Variants in RIT2 observed in about 807,000 individuals in gnomAD.
The protein encoded by RIT2 is GTP-binding protein Rit2.
In RIT2, 24 loss-of-function variants were observed where a neutral mutation model predicts 23.7. The ratio of observed to expected loss-of-function variants is 1.01; its 90% CI spans 0.73 to 1.43. RIT2 has a LOEUF of 1.43. Ranked by LOEUF, RIT2 falls within the 40% of genes most tolerant of loss-of-function variation. The pLI, the probability that RIT2 is intolerant of heterozygous loss-of-function variation, is 0.00. For missense variants in RIT2, 236 were observed against 266.9 expected, an observed-to-expected ratio of 0.88 and a Z score of 0.81; for synonymous variants, 107 against 91.1, an observed-to-expected ratio of 1.17 and a Z score of -0.99.
At chr18:43,104,529 T>A (rs564515668) in intron 1 of RIT2, among the ~76,000 whole-genome samples, 1 of 152,018 alleles carries the variant, frequency 6.6e-6, no homozygotes, top group South Asian at 2.1e-4. Flanking sequence ...AAATAACACA[T>A]AAATACATAT....
At chr18:42,938,279 A>AT (rs573050876) in intron 3 of RIT2, among the ~76,000 whole-genome samples, 30 of 152,370 alleles carry the variant, frequency 2.0e-4, no homozygotes, top group South Asian at 2.1e-4. Context: ...ATGGATGCAG[A>AT]AAGCCTGGTG....
intron 4 of RIT2, among the ~76,000 whole-genome samples, chr18:42,842,689 T>C (rs1906799900): frequency 2.6e-5 from 4 of 152,038 alleles, no homozygotes; most frequent in Admixed American, 6.6e-5. Context: ...GCTCCAAAAT[T>C]TGAAACATTT....
chr18:43,019,826 T>C (rs754163949), intron 2 of RIT2, among the ~76,000 whole-genome samples: 4 of 152,056 alleles, frequency 2.6e-5, no homozygotes, highest in Non-Finnish European at 5.9e-5. Context: ...CTGATAAATG[T>C]ATTCAGTAAA....
At chr18:42,744,121 G>A (rs767657071) in intron 4 of RIT2, among the ~76,000 whole-genome samples, 13 of 151,938 alleles carry the variant, frequency 8.6e-5, no homozygotes, top group Non-Finnish European at 1.9e-4. Context: ...CTGTCTGCCA[G>A]AGAACAAACC....
At chr18:42,981,921 G>A (rs897719891) in intron 2 of RIT2, among the ~76,000 whole-genome samples, 1 of 152,022 alleles carries the variant, frequency 6.6e-6, no homozygotes, top group Non-Finnish European at 1.5e-5. Flanking sequence ...TATCACAAAG[G>A]TTGTTCATTG....
chr18:42,965,610 G>T (rs987362042), intron 3 of RIT2, among the ~76,000 whole-genome samples: 2 of 146,034 alleles, frequency 1.4e-5, no homozygotes, highest in East Asian at 4.2e-4. Context: ...CTAATGTTTA[G>T]AATTAGGGAA....
chr18:42,952,747 A>G (rs1034885132), intron 3 of RIT2, among the ~76,000 whole-genome samples: 1 of 152,084 alleles, frequency 6.6e-6, no homozygotes, highest in Non-Finnish European at 1.5e-5. Flanking sequence ...AATATACTAC[A>G]TACATACACA....
chr18:42,772,141 G>C (rs1419953155), intron 4 of RIT2, among the ~76,000 whole-genome samples: 1 of 152,062 alleles, frequency 6.6e-6, no homozygotes, highest in African/African-American at 2.4e-5. Context: ...AGGTCACAAA[G>C]CAAATTAATA....
At chr18:42,766,762 C>T (rs915028396) in intron 4 of RIT2, among the ~76,000 whole-genome samples, 12 of 152,314 alleles carry the variant, frequency 7.9e-5, no homozygotes, top group Admixed American at 3.3e-4. Flanking sequence ...AAAGTGGTTT[C>T]ATGGGCAGGC....
At chr18:43,027,089 T>C (rs1198072563) in intron 2 of RIT2, among the ~76,000 whole-genome samples, 1 of 151,910 alleles carries the variant, frequency 6.6e-6, no homozygotes, top group Non-Finnish European at 1.5e-5. Flanking sequence ...ATGCTGCTGG[T>C]AAGTTAAAAT....
At chr18:42,931,378 T>C (rs575998867) in intron 3 of RIT2, among the ~76,000 whole-genome samples, 1 of 152,264 alleles carries the variant, frequency 6.6e-6, no homozygotes, top group South Asian at 2.1e-4. Context: ...GTTTAACTTT[T>C]AGATAAGCCT....
chr18:42,763,461 C>CAA (rs35389876), intron 4 of RIT2, among the ~76,000 whole-genome samples: 2,801 of 137,454 alleles, frequency 0.02, 82 homozygotes, highest in African/African-American at 0.063. Context: ...GACTCCGTCT[C>CAA]AAAAAAAAAA....
At chr18:43,110,176 T>C (rs1212796861) in intron 1 of RIT2, among the ~76,000 whole-genome samples, 1 of 152,092 alleles carries the variant, frequency 6.6e-6, no homozygotes, top group Non-Finnish European at 1.5e-5. Flanking sequence ...TCTTAAATTA[T>C]TTAAATCTTA....
chr18:42,746,334 A>C (rs906696098), intron 4 of RIT2, among the ~76,000 whole-genome samples: 7 of 152,116 alleles, frequency 4.6e-5, no homozygotes, highest in Non-Finnish European at 7.4e-5. Flanking sequence ...ACAGTCTCCA[A>C]CTTTAAAAGA....
intron 4 of RIT2, among the ~76,000 whole-genome samples, chr18:42,919,439 C>A (rs1450386478): frequency 1.3e-5 from 2 of 152,030 alleles, no homozygotes; most frequent in Non-Finnish European, 2.9e-5. Flanking sequence ...TTTGGCCGGG[C>A]GCAGTAGCTT....
intron 4 of RIT2, among the ~76,000 whole-genome samples, chr18:42,903,490 A>C (rs1264680691): frequency 6.6e-6 from 1 of 152,102 alleles, no homozygotes; most frequent in Non-Finnish European, 1.5e-5. Flanking sequence ...GTATAAATGC[A>C]TTTTTTAGTT....
chr18:43,041,748 A>C (rs1167563932), intron 1 of RIT2, among the ~76,000 whole-genome samples: 1 of 152,124 alleles, frequency 6.6e-6, no homozygotes, highest in African/African-American at 2.4e-5. Flanking sequence ...TTTTAAAGTT[A>C]AATATAAGTC....
intron 2 of RIT2, among the ~76,000 whole-genome samples, chr18:43,032,330 T>C (rs141068342): frequency 1.7e-4 from 26 of 152,058 alleles, no homozygotes; most frequent in African/African-American, 4.3e-4. Flanking sequence ...ACGTGAGAGG[T>C]TGATGAACAA....
At chr18:42,809,866 AAT>A (rs1022600905) in intron 4 of RIT2, among the ~76,000 whole-genome samples, 2 of 127,176 alleles carry the variant, frequency 1.6e-5, no homozygotes, top group African/African-American at 8.3e-5. Flanking sequence ...TATTATATAT[AAT>A]ATATATAATT....
Sources: gnomAD v4.1 joint callset for allele counts (sites outside exome capture counted in the v4.1 genomes callset) on GRCh38, gnomAD v4.1.1 for gene constraint, MANE v1.5 for transcripts, NCBI Gene and HGNC (gene_info 2026-07-23, HGNC 2026-07-21) for gene names.